The following SACS variants were observed in gnomAD, a reference collection of about 807,000 sequenced individuals.
SACS encodes sacsin molecular chaperone.
SACS carries 197 observed loss-of-function variants against 348.0 expected under a neutral mutation model. That is an observed-to-expected ratio of 0.57 (90% CI 0.50 to 0.64). The LOEUF (loss-of-function observed/expected upper bound fraction) is 0.64. Ranked by LOEUF, SACS falls within the 30% of genes least tolerant of loss-of-function variation. SACS has a pLI of 0.00. For missense variants in SACS, 4,999 were observed against 5,360.8 expected, an observed-to-expected ratio of 0.93 and a Z score of 2.11; for synonymous variants, 1,985 against 1,910.6, an observed-to-expected ratio of 1.04 and a Z score of -1.02.
chr13:23,330,942 A>T lies in SACS; in HGVS notation c.12934T>A (p.Ser4312Thr), dbSNP rs750752878. Residue 4312 changes from serine (S) to threonine (T), a missense_variant, in exon 10 of 10, where the codon TCT becomes ACT. This residue lies in a region of SACS where 831 missense variants were observed against 941.8 expected (regional missense o/e 0.88). Coordinates refer to ENST00000382292, the MANE Select transcript of SACS (RefSeq NM_014363.6). ...SLPEILKEVTSVVEQAWKLPE... is the reference protein window; with the variant it reads ...SLPEILKEVTTVVEQAWKLPE... ...AGCTTCCATGCTTGCTCCACCACAGATGTCACTTCTTTTAAGATTTCTGGT... is the reference window on the plus strand; with the variant it reads ...AGCTTCCATGCTTGCTCCACCACAGTTGTCACTTCTTTTAAGATTTCTGGT... The T allele has an allele frequency of 1.9e-6, 3 of 1,614,032 alleles. No individual in the cohort carries two copies. Among genetic ancestry groups the T allele is most frequent in the Non-Finnish European group, 2.5e-6 (3 of 1,179,986 alleles).
chr13:23,397,511 G>C (rs890108906), intron 2 of SACS, among the ~76,000 whole-genome samples: 2 of 152,098 alleles, frequency 1.3e-5, no homozygotes, highest in Admixed American at 6.6e-5. Context: ...TTATTGATCT[G>C]CTCTTAGTAA....
At position 23,338,088 on chromosome 13, in the gene SACS, C is replaced by T. The variant is rs763695513; in HGVS notation, c.5788G>A (p.Asp1930Asn). The part of the protein sequence containing the change: ...AYLQVLSVLR[D>N]LATSGELMDY... Reference sequence around the variant, plus strand: ...ATTAGCTCCCCACTAGTGGCCAGGTCCCGTAAGACACTCAGTACCTGTAAG... The same window carrying T: ...ATTAGCTCCCCACTAGTGGCCAGGTTCCGTAAGACACTCAGTACCTGTAAG... Residue 1930 changes from aspartate (D) to asparagine (N), a missense_variant, in exon 10 of 10, where the codon GAC (aspartate) becomes AAC (asparagine). Asp to Asn is a conservative substitution (Grantham distance 23). Coordinates refer to ENST00000382292, the MANE Select transcript of SACS (RefSeq NM_014363.6). The T allele has an allele frequency of 9.3e-6, 15 of 1,613,928 alleles. No homozygotes were observed. The East Asian group carries it at 3.1e-4, about 34-fold the overall frequency.
Position 23,338,334 on chromosome 13 carries a change from C to A in SACS, c.5542G>T (p.Ala1848Ser). The part of the protein sequence containing the change: ...GRRLGLVPCG[A>S]VGVQLSEIQD... ...ATTTCTGACAGCTGAACTCCTACTGCCCCACATGGAACCAGTCCTAGTCTT... is the reference window on the plus strand; with the variant it reads ...ATTTCTGACAGCTGAACTCCTACTGACCCACATGGAACCAGTCCTAGTCTT... Residue 1848 changes from alanine (A) to serine (S), a missense_variant, in exon 10 of 10, where the codon GCA becomes TCA. This residue lies in a region of SACS where 3,156 missense variants were observed against 3,380.1 expected (regional missense o/e 0.93). Coordinates refer to ENST00000382292, the MANE Select transcript of SACS (RefSeq NM_014363.6). 6.2e-7 allele frequency: 1 copy of A among 1,614,106 alleles called. No individual in the cohort carries two copies. Among genetic ancestry groups the A allele is most frequent in the Non-Finnish European group, 8.5e-7 (1 of 1,179,986 alleles).
At chr13:23,351,182 T>G (rs1869933495) in intron 9 of SACS, among the ~76,000 whole-genome samples, 1 of 152,170 alleles carries the variant, frequency 6.6e-6, no homozygotes, top group Admixed American at 6.5e-5. Context: ...CCCTATATCA[T>G]CATGCTCTCA....
chr13:23,348,591 A>G (rs1869762153), intron 9 of SACS, among the ~76,000 whole-genome samples: 1 of 152,210 alleles, frequency 6.6e-6, no homozygotes, highest in South Asian at 2.1e-4. Flanking sequence ...CATATGGACT[A>G]TGTACTGGGT....
At chr13:23,402,021 A>G (rs890672434) in intron 2 of SACS, among the ~76,000 whole-genome samples, 2 of 152,170 alleles carry the variant, frequency 1.3e-5, no homozygotes, top group African/African-American at 4.8e-5. Context: ...CACAAAAGAC[A>G]CAAAAAATTA....
At chr13:23,344,546 G>A (rs1424566423) in intron 9 of SACS, among the ~76,000 whole-genome samples, 1 of 152,216 alleles carries the variant, frequency 6.6e-6, no homozygotes, top group African/African-American at 2.4e-5. Context: ...TCTATCCATT[G>A]TATTTAAGAC....
chr13:23,422,348 C>T (rs1004521887), intron 1 of SACS, among the ~76,000 whole-genome samples: 1 of 152,142 alleles, frequency 6.6e-6, no homozygotes. Flanking sequence ...TAAAGAAGTT[C>T]CAAACACACA....
At chr13:23,424,923 C>T (rs1874107331) in intron 1 of SACS, among the ~76,000 whole-genome samples, 1 of 152,200 alleles carries the variant, frequency 6.6e-6, no homozygotes, top group Non-Finnish European at 1.5e-5. Context: ...ATGTGACTAT[C>T]CAGCTCAGTT....
intron 2 of SACS, among the ~76,000 whole-genome samples, chr13:23,392,178 G>A (rs1872552290): frequency 6.6e-6 from 1 of 152,168 alleles, no homozygotes. Context: ...AAGATACTGT[G>A]TGGTACTCAT....
chr13:23,396,597 T>A (rs1872721165), intron 2 of SACS, among the ~76,000 whole-genome samples: 1 of 152,160 alleles, frequency 6.6e-6, no homozygotes, highest in Non-Finnish European at 1.5e-5. Context: ...AATGTGTAAG[T>A]AAAGATGCAG....
At chr13:23,346,441 GC>G (rs1869612848) in intron 9 of SACS, among the ~76,000 whole-genome samples, 4 of 152,254 alleles carry the variant, frequency 2.6e-5, no homozygotes, top group Middle Eastern at 3.4e-3. Flanking sequence ...ACCGAGCCTG[GC>G]CCCCTCTATG....
intron 1 of SACS, among the ~76,000 whole-genome samples, chr13:23,421,453 A>G (rs901617896): frequency 3.3e-5 from 5 of 151,942 alleles, no homozygotes; most frequent in Non-Finnish European, 4.4e-5. Context: ...CCTCAAGCCT[A>G]TTGTACTCCT....
At chr13:23,425,624 T>TGCCC (rs143766355) in intron 1 of SACS, among the ~76,000 whole-genome samples, 2,654 of 152,176 alleles carry the variant, frequency 0.017, 153 homozygotes, top group Admixed American at 0.1. Context: ...GGAGTTTCTG[T>TGCCC]GCCCCCACCC....
intron 2 of SACS, among the ~76,000 whole-genome samples, chr13:23,392,265 C>G (rs1215186225): frequency 1.3e-5 from 2 of 152,168 alleles, no homozygotes; most frequent in Non-Finnish European, 2.9e-5. Flanking sequence ...ATGCCTCTCC[C>G]CAAAACAGAC....
chr13:23,380,831 AAGATGACCCG>A, intron 2 of SACS, among the ~76,000 whole-genome samples: 1 of 152,332 alleles, frequency 6.6e-6, no homozygotes, highest in Non-Finnish European at 1.5e-5. Flanking sequence ...CCCTGAAGAA[AAGATGACCCG>A]AGGGGACATG....
intron 3 of SACS, among the ~76,000 whole-genome samples, chr13:23,372,452 G>C (rs2137822597): frequency 6.6e-6 from 1 of 152,300 alleles, no homozygotes; most frequent in East Asian, 1.9e-4. Flanking sequence ...TTCAGTTCCA[G>C]ATTTGCAGCT....
chr13:23,415,551 A>C (rs1258166151), intron 1 of SACS, among the ~76,000 whole-genome samples: 1 of 152,208 alleles, frequency 6.6e-6, no homozygotes, highest in East Asian at 1.9e-4. Context: ...GGCAGCCGTT[A>C]CCCAGATCAT....
chr13:23,375,156 G>C lies in SACS; in HGVS notation c.134C>G (p.Pro45Arg). 1 of 1,504,360 alleles carries C rather than the reference G, an allele frequency of 6.6e-7. No individual in the cohort carries two copies. Among genetic ancestry groups the C allele is most frequent in the Non-Finnish European group, 8.9e-7 (1 of 1,126,952 alleles). 93.2% of individuals were successfully genotyped at this position (1,504,360 alleles called of 1,614,324 possible). A position where few individuals can be genotyped will look rare whatever the true frequency, so the allele number is the denominator to read the frequency against. The stretch of plus-strand genomic sequence containing the variant: ...GCGCCACAGCCGCTGCTCCGACACC[G>C]GGAAGCCAGTCTCCGCGAAGATACG... The part of the protein sequence containing the change: ...KERIFAETGF[P>R]VSEQRLWRGG... The change falls in exon 3 of 10, where the codon CCG becomes CGG. Residue 45 changes from proline to arginine, a missense_variant. By Grantham distance (103) the Pro-to-Arg change is moderately radical. This residue lies in a region of SACS where 3,156 missense variants were observed against 3,380.1 expected (regional missense o/e 0.93). Transcript: ENST00000382292.
Sources: gnomAD v4.1 joint callset for allele counts (sites outside exome capture counted in the v4.1 genomes callset) on GRCh38, gnomAD v4.1.1 for gene constraint, gnomAD v4.1.1 regional missense constraint, MANE v1.5 for transcripts, NCBI Gene and HGNC (gene_info 2026-07-23, HGNC 2026-07-21) for gene names.